ADGRB1: variants seen among roughly 807,000 people sequenced by gnomAD.
The protein encoded by ADGRB1 is adhesion G protein-coupled receptor B1.
In ADGRB1, 36 loss-of-function variants were observed where a neutral mutation model predicts 175.7. The observed-to-expected ratio is 0.20, with a 90% CI of 0.16 to 0.27. The LOEUF is 0.27. ADGRB1 is among the 10% of genes least tolerant of loss of function. The pLI is 1.00. For missense variants in ADGRB1, 1,731 were observed against 2,255.3 expected, an observed-to-expected ratio of 0.77 and a Z score of 4.71; for synonymous variants, 1,054 against 979.4, an observed-to-expected ratio of 1.08 and a Z score of -1.42.
At chr8:142,539,475 G>C in intron 27 of ADGRB1, 62 bp downstream of exon 27, 1 of 1,562,448 alleles carries the variant, frequency 6.4e-7, no homozygotes, top group Non-Finnish European at 8.7e-7. Flanking sequence ...CCCACTCCAC[G>C]CCTCCGCCTG....
rs1212852754 is a variant in ADGRB1 at position 142,464,945 on chromosome 8, C to T, written c.747C>T (p.Thr249=). 1 of 1,528,324 alleles carries T rather than the reference C, an allele frequency of 6.5e-7. No homozygotes were observed. Among genetic ancestry groups the T allele is most frequent in the South Asian group, 1.2e-5 (1 of 83,378 alleles). The allele number at this position is 1,528,324 out of a possible 1,614,324, so 94.7% of individuals were successfully genotyped here. A position where few individuals can be genotyped will look rare whatever the true frequency, so the allele number is the denominator to read the frequency against. The stretch of plus-strand genomic sequence containing the variant: ...CTGGTGGCCCTGAAAACTGCCTCAC[C>T]AGCCTGACCCAGGACCGGGGCGGGC... The part of the protein sequence containing the change: ...AVAGGPENCL[T]SLTQDRGGHG... The change falls in exon 2 of 31, where the codon ACC becomes ACT. Residue 249 remains threonine, a synonymous_variant. Coordinates refer to ENST00000517894, the MANE Select transcript of ADGRB1 (RefSeq NM_001702.3).
At chr8:142,488,924 C>G in intron 14 of ADGRB1, 111 bp from the exon 15 acceptor site, 1 of 1,338,262 alleles carries the variant, frequency 7.5e-7, no homozygotes, top group South Asian at 1.3e-5. Flanking sequence ...CTGGACGCGA[C>G]CTTGAAGATG....
At chr8:142,469,331 ATG>A (rs1381285998) in intron 2 of ADGRB1, among the ~76,000 whole-genome samples, 3 of 148,456 alleles carry the variant, frequency 2.0e-5, no homozygotes, top group Non-Finnish European at 4.5e-5. Context: ...GTGCACATGC[ATG>A]TGTGTGAATG....
In ADGRB1 at chr8:142,484,159, G is replaced by C. The variant is rs997385445; in HGVS notation, c.2199+114G>C. On this transcript the variant is annotated intron_variant, in intron 12 of 30. Coordinates refer to ENST00000517894, the MANE Select transcript of ADGRB1 (RefSeq NM_001702.3). ...GGTCCCGCCGGGTGCTCTGGGTTTG[G>C]ATCTCAGGATGGTCTCTTGCTGGTG... The C allele has an allele frequency of 8.4e-6, 7 of 834,994 alleles. No homozygotes were observed. The African/African-American group carries it at 1.2e-4, about 14-fold the overall frequency. 51.7% of individuals were successfully genotyped at this position (834,994 alleles called of 1,614,324 possible).
At chr8:142,503,336 C>T (rs1217193227) in intron 17 of ADGRB1, among the ~76,000 whole-genome samples, 1 of 152,044 alleles carries the variant, frequency 6.6e-6, no homozygotes, top group Non-Finnish European at 1.5e-5. Context: ...TCTGCTAGAG[C>T]CAGGGCAGAG....
intron 23 of ADGRB1, among the ~76,000 whole-genome samples, chr8:142,525,449 C>T (rs1844119151): frequency 6.6e-6 from 1 of 152,054 alleles, no homozygotes; most frequent in South Asian, 2.1e-4. Flanking sequence ...CCCTCCTGTC[C>T]TTGGGGCCAC....
At chr8:142,519,465 CTGGTGATGG>C (rs1296175815) in intron 19 of ADGRB1, among the ~76,000 whole-genome samples, 1 of 152,168 alleles carries the variant, frequency 6.6e-6, no homozygotes, top group Admixed American at 6.5e-5. Flanking sequence ...TCAAGGGCTG[CTGGTGATGG>C]TGGTGATGGT....
In ADGRB1 at chr8:142,541,311, G is replaced by A. The variant is rs187416243; in HGVS notation, c.3707-630G>A. On this transcript the variant is annotated intron_variant, in intron 27 of 30. Transcript: ENST00000517894. ...TGGAGCCCCACTCAGAGGTCAAGGC[G>A]GCTGGGCCCCTTGCAACTGACCAGA... Among the ~76,000 whole-genome samples, 468 of 152,278 alleles carry A rather than the reference G, an allele frequency of 3.1e-3. 2 individuals are homozygous for A. Among genetic ancestry groups the A allele is most frequent in the African/African-American group, 0.011 (452 of 41,552 alleles).
Position 142,492,886 on chromosome 8 carries a change from A to G in ADGRB1, c.2675+2071A>G, listed in dbSNP as rs1199913114. Among the ~76,000 whole-genome samples, 1 of 151,658 alleles carries G rather than the reference A, an allele frequency of 6.6e-6. No individual in the cohort carries two copies. Among genetic ancestry groups the G allele is most frequent in the African/African-American group, 2.4e-5 (1 of 41,238 alleles). On this transcript the variant is annotated intron_variant, in intron 17 of 30. Coordinates refer to ENST00000517894, the MANE Select transcript of ADGRB1 (RefSeq NM_001702.3). This position sits in a 1 kb window ranked among gnomAD's most constrained non-coding sequence, Gnocchi z 4.4. ...ACAGCCCCAGCACTTCCACCAGCAC[A>G]GGCCCCTCCCCACAGTGCAGAAACC...
chr8:142,511,634 T>C lies in ADGRB1; in HGVS notation c.2817+561T>C, dbSNP rs965730554. Among the ~76,000 whole-genome samples, 18 of 152,062 alleles carry C rather than the reference T, an allele frequency of 1.2e-4. No individual in the cohort carries two copies. The highest frequency in any genetic ancestry group is 4.1e-4 in the South Asian group (2 of 4,832). On this transcript the variant is annotated intron_variant, in intron 18 of 30. Coordinates refer to ENST00000517894, the MANE Select transcript of ADGRB1 (RefSeq NM_001702.3). The surrounding 1 kb of genome is among the most constrained non-coding windows in gnomAD (Gnocchi z 4.5). Reference sequence around the variant, plus strand: ...CACCTCGGGGCTTCCTTTTTGTTCCTGTGATTCCTGTGGGGGCTGCCGGTT... The same window carrying C: ...CACCTCGGGGCTTCCTTTTTGTTCCCGTGATTCCTGTGGGGGCTGCCGGTT...
At chr8:142,521,851 G>A (rs1843869545) in intron 20 of ADGRB1, 114 bp from the exon 21 acceptor site, 17 of 1,266,936 alleles carry the variant, frequency 1.3e-5, no homozygotes, top group Non-Finnish European at 1.7e-5. Context: ...ACCTGGTTGG[G>A]TCCCAGTGAG....
At chr8:142,469,318 T>G (rs527473209) in intron 2 of ADGRB1, among the ~76,000 whole-genome samples, 1 of 150,626 alleles carries the variant, frequency 6.6e-6, no homozygotes, top group African/African-American at 2.4e-5. Flanking sequence ...TGAATGTAAA[T>G]GTGTGCACAT....
intron 16 of ADGRB1, 97 bp downstream of exon 16, chr8:142,489,535 A>C: frequency 7.6e-7 from 1 of 1,319,292 alleles, no homozygotes; most frequent in Non-Finnish European, 1.1e-6. Flanking sequence ...GGGCCTCCTC[A>C]CAACAGCTTT....
chr8:142,456,033 G>A (rs1439364626), intron 1 of ADGRB1, among the ~76,000 whole-genome samples: 1 of 152,122 alleles, frequency 6.6e-6, no homozygotes, highest in Non-Finnish European at 1.5e-5. Context: ...CAGCTCGGGG[G>A]TAATGGCCAC....
rs1279016969 is a variant in ADGRB1, at chr8:142,464,782, C to G, written c.584C>G (p.Ala195Gly). 1 of 1,534,952 alleles carries G rather than the reference C, an allele frequency of 6.5e-7. No homozygotes were observed. The highest frequency in any genetic ancestry group is 8.7e-7 in the Non-Finnish European group (1 of 1,145,708). Residue 195 changes from alanine to glycine, a missense_variant, in exon 2 of 31, where the codon GCG becomes GGG. Ala to Gly is a moderately conservative substitution (Grantham distance 60). Around this residue, in one of 8 missense-constraint regions of ADGRB1, gnomAD observed 383 missense variants for 383.1 expected, o/e 1.00. Transcript: ENST00000517894. ...ACQMLCRWLD[A>G]CLAGSRSSHP... ...CAGATGCTGTGCCGCTGGCTGGACGCGTGTCTGGCCGGTAGTCGCAGCTCG... is the reference window on the plus strand; with the variant it reads ...CAGATGCTGTGCCGCTGGCTGGACGGGTGTCTGGCCGGTAGTCGCAGCTCG...
intron 12 of ADGRB1, 78 bp downstream of exon 12, chr8:142,484,123 G>T (rs918649661): frequency 1.5e-6 from 2 of 1,363,020 alleles, no homozygotes; most frequent in African/African-American, 2.9e-5. Flanking sequence ...TCTCCAGTCG[G>T]CCTGGGGTGG....
rs572387745 is a variant in ADGRB1 at position 142,533,606 on chromosome 8, G to T, written c.3570+140G>T. The T allele has an allele frequency of 4.6e-5, 48 of 1,040,944 alleles. No individual in the cohort carries two copies. The East Asian group carries it at 1.2e-3, about 26-fold the overall frequency. The allele number at this position is 1,040,944 out of a possible 1,614,324, so 64.5% of individuals were successfully genotyped here. A position where few individuals can be genotyped will look rare whatever the true frequency, so the allele number is the denominator to read the frequency against. On this transcript the variant is annotated intron_variant, in intron 25 of 30. Coordinates refer to ENST00000517894, the MANE Select transcript of ADGRB1 (RefSeq NM_001702.3). Reference sequence around the variant, plus strand: ...TGACCCTGACACATCTGCAGGCCTCGGTGGTCCACAGAGCGGGGCCTGCAG... The same window carrying T: ...TGACCCTGACACATCTGCAGGCCTCTGTGGTCCACAGAGCGGGGCCTGCAG...
In ADGRB1 at chr8:142,510,125, G is replaced by A. The variant is rs942676721; in HGVS notation, c.2676-807G>A. Among the ~76,000 whole-genome samples, 5 of 152,054 alleles carry A rather than the reference G, an allele frequency of 3.3e-5. No individual in the cohort carries two copies. Among genetic ancestry groups the A allele is most frequent in the African/African-American group, 1.2e-4 (5 of 41,428 alleles). On this transcript the variant is annotated intron_variant, in intron 17 of 30. Coordinates refer to ENST00000517894, the MANE Select transcript of ADGRB1 (RefSeq NM_001702.3). The surrounding 1 kb of genome is among the most constrained non-coding windows in gnomAD (Gnocchi z 6.3). Reference sequence around the variant, plus strand: ...GGAGGAGGAAGAACAGGAGGAGGAGGTTGGGGGTGGAGAGGAGGAGGAGGG... The same window carrying A: ...GGAGGAGGAAGAACAGGAGGAGGAGATTGGGGGTGGAGAGGAGGAGGAGGG...
At chr8:142,459,066 G>A (rs1839833543) in intron 1 of ADGRB1, among the ~76,000 whole-genome samples, 1 of 152,226 alleles carries the variant, frequency 6.6e-6, no homozygotes, top group Non-Finnish European at 1.5e-5. Flanking sequence ...CTCCCACCCT[G>A]TCACCTGTTG....
Sources: gnomAD v4.1 joint callset for allele counts (sites outside exome capture counted in the v4.1 genomes callset) on GRCh38, gnomAD v4.1.1 for gene constraint, gnomAD v4.1.1 regional missense constraint, Gnocchi (gnomAD v3.1) non-coding constraint, MANE v1.5 for transcripts, NCBI Gene and HGNC (gene_info 2026-07-23, HGNC 2026-07-21) for gene names.